The following NTRK3 variants were observed in gnomAD, a reference collection of about 807,000 sequenced individuals.
NTRK3 encodes the protein NT-3 growth factor receptor.
In NTRK3, 24 loss-of-function variants were observed where a neutral mutation model predicts 91.7. The ratio of observed to expected loss-of-function variants is 0.26; its 90% CI spans 0.19 to 0.37. NTRK3 has a LOEUF of 0.37. NTRK3 is among the 10% of genes least tolerant of loss of function. The pLI is 1.00. For missense variants in NTRK3, 880 were observed against 1,068.9 expected (o/e 0.82, Z 2.46); for synonymous variants, 483 against 404.0 (o/e 1.20, Z -2.34).
At chr15:87,996,186 G>A (rs1316515033) in intron 14 of NTRK3, among the ~76,000 whole-genome samples, 2 of 152,192 alleles carry the variant, frequency 1.3e-5, no homozygotes, top group African/African-American at 2.4e-5. Flanking sequence ...GGAGGTTGCA[G>A]TGAGGTGAGA....
rs113524154 is a variant in NTRK3 at position 87,911,756 on chromosome 15, C to T, written c.2133+17435G>A. Among the ~76,000 whole-genome samples the T allele has an allele frequency of 1.3e-4, 20 of 152,274 alleles. 1 individual carries two copies. The highest frequency in any genetic ancestry group is 8.3e-4 in the South Asian group (4 of 4,822). On this transcript the variant is annotated intron_variant, in intron 17 of 18. Coordinates refer to ENST00000394480, the Ensembl canonical transcript of NTRK3. ...TAAGCATCATCCCAGATCAGTCATT[C>T]GCTGAGAAGAACACCTGTCTCCTGG...
At chr15:87,967,407 C>T (rs562850277) in intron 14 of NTRK3, among the ~76,000 whole-genome samples, 1 of 152,296 alleles carries the variant, frequency 6.6e-6, no homozygotes, top group Non-Finnish European at 1.5e-5. Flanking sequence ...TATACCGAAG[C>T]TGCCCAGCTT....
intron 17 of NTRK3, among the ~76,000 whole-genome samples, chr15:87,912,923 T>TAAAA (rs71460480): frequency 5.3e-4 from 21 of 39,774 alleles, no homozygotes; most frequent in East Asian, 3.0e-3. Flanking sequence ...TTTCAAAAAG[T>TAAAA]AAAAAAAAAT....
intron 17 of NTRK3, among the ~76,000 whole-genome samples, chr15:87,909,443 T>C (rs1031110006): frequency 2.0e-5 from 3 of 152,084 alleles, no homozygotes; most frequent in Non-Finnish European, 4.4e-5. Flanking sequence ...AGAGGCAGAT[T>C]CATGAAGTAA....
At chr15:88,056,966 C>T (rs544438611) in intron 13 of NTRK3, among the ~76,000 whole-genome samples, 28 of 151,060 alleles carry the variant, frequency 1.9e-4, no homozygotes, top group Admixed American at 7.2e-4. Flanking sequence ...GTCAGGAGAT[C>T]GAGACCATCC....
intron 3 of NTRK3, among the ~76,000 whole-genome samples, chr15:88,242,181 A>C (rs550483645): frequency 1.3e-5 from 2 of 152,250 alleles, no homozygotes; most frequent in African/African-American, 4.8e-5. Context: ...CCTTCCAAAT[A>C]AACTACCCAC....
intron 14 of NTRK3, among the ~76,000 whole-genome samples, chr15:88,004,003 G>T (rs2076303374): frequency 6.6e-6 from 1 of 152,080 alleles, no homozygotes; most frequent in African/African-American, 2.4e-5. Flanking sequence ...CCATAAGAAA[G>T]AAAAGACAGG....
chr15:88,140,521 A>AAACT (rs1369283377), intron 6 of NTRK3, among the ~76,000 whole-genome samples: 4 of 152,202 alleles, frequency 2.6e-5, no homozygotes, highest in African/African-American at 9.7e-5. Context: ...CTCTCAAACA[A>AAACT]AACTACTGAC....
intron 14 of NTRK3, among the ~76,000 whole-genome samples, chr15:88,007,874 G>A (rs2141713225): frequency 6.6e-6 from 1 of 152,264 alleles, no homozygotes; most frequent in African/African-American, 2.4e-5. Flanking sequence ...CCCCTAACGT[G>A]CCTTATACCC....
Position 88,225,635 on chromosome 15 carries a change from G to A in NTRK3, c.248+30271C>T, listed in dbSNP as rs188711520. Among the ~76,000 whole-genome samples, 798 of 152,216 alleles carry A rather than the reference G, an allele frequency of 5.2e-3. 15 individuals are homozygous for A. The highest frequency in any genetic ancestry group is 0.029 in the Admixed American group (446 of 15,298). ...TCTGTTTTAAGTCATCCACAGTTCC[G>A]ATTCACAAAGCAGGGTCACAATTAT... On this transcript the variant is annotated intron_variant, in intron 3 of 18. Coordinates refer to ENST00000394480, the Ensembl canonical transcript of NTRK3.
chr15:87,905,792 A>T (rs1288936660), intron 17 of NTRK3, among the ~76,000 whole-genome samples: 2 of 152,312 alleles, frequency 1.3e-5, no homozygotes, highest in East Asian at 3.9e-4. Context: ...AGCCCCAGGA[A>T]CACTGACTCA....
intron 13 of NTRK3, among the ~76,000 whole-genome samples, chr15:88,051,216 A>G (rs575516963): frequency 2.3e-4 from 35 of 152,156 alleles, no homozygotes; most frequent in African/African-American, 7.0e-4. Context: ...CCGACAACCC[A>G]CCTGCCCAAC....
At chr15:88,140,037 A>C (rs898737204) in intron 6 of NTRK3, among the ~76,000 whole-genome samples, 6 of 152,184 alleles carry the variant, frequency 3.9e-5, no homozygotes, top group African/African-American at 1.4e-4. Context: ...AAAATGTGTC[A>C]AGGAGTGCTG....
intron 13 of NTRK3, among the ~76,000 whole-genome samples, chr15:88,108,653 G>A (rs2050978317): frequency 6.6e-6 from 1 of 152,200 alleles, no homozygotes; most frequent in Non-Finnish European, 1.5e-5. Context: ...TGTAGCCTGG[G>A]CTAGAATCCA....
At chr15:87,903,966 C>A (rs544813680) in intron 17 of NTRK3, among the ~76,000 whole-genome samples, 2 of 152,236 alleles carry the variant, frequency 1.3e-5, no homozygotes, top group African/African-American at 4.8e-5. Flanking sequence ...ACTCGCATGC[C>A]AAGAGGGGTG....
At chr15:88,031,088 CA>C (rs2078492556) in intron 14 of NTRK3, among the ~76,000 whole-genome samples, 1 of 152,126 alleles carries the variant, frequency 6.6e-6, no homozygotes, top group African/African-American at 2.4e-5. Flanking sequence ...GCCATGAGTT[CA>C]ATGTTAATGA....
chr15:87,978,333 A>G, intron 14 of NTRK3: 1 of 230,188 alleles, frequency 4.3e-6, no homozygotes. Flanking sequence ...GTGCCATGAG[A>G]GGGGCTGGAG....
chr15:88,231,705 C>T (rs1387133841), intron 3 of NTRK3, among the ~76,000 whole-genome samples: 2 of 152,188 alleles, frequency 1.3e-5, no homozygotes, highest in African/African-American at 4.8e-5. Context: ...ATAGTGAACA[C>T]ACTTGTGTCC....
intron 3 of NTRK3, among the ~76,000 whole-genome samples, chr15:88,192,754 C>A (rs1235703037): frequency 6.6e-6 from 1 of 152,040 alleles, no homozygotes; most frequent in Non-Finnish European, 1.5e-5. Flanking sequence ...CAAGCTTATT[C>A]CCAACTGGAC....
Sources: allele counts gnomAD v4.1 joint callset (sites outside exome capture counted in the v4.1 genomes callset), GRCh38; gene constraint gnomAD v4.1.1; transcripts MANE v1.5; gene names NCBI Gene and HGNC (gene_info 2026-07-23, HGNC 2026-07-21).